Variants in NCK2 observed in about 807,000 individuals in gnomAD.
The protein encoded by NCK2 is cytoplasmic protein NCK2.
A neutral mutation model predicts 33.9 loss-of-function variants in NCK2; 16 were observed. The ratio of observed to expected loss-of-function variants is 0.47; its 90% CI spans 0.32 to 0.72. The LOEUF is 0.72. NCK2 is among the 30% of genes least tolerant of loss of function. NCK2 has a pLI of 0.03. For synonymous variants in NCK2, 273 were observed against 239.9 expected (o/e 1.14, Z -1.27); for missense variants, 418 against 537.3 (o/e 0.78, Z 2.19).
At chr2:105,872,791 T>C (rs1027443889) in intron 3 of NCK2, among the ~76,000 whole-genome samples, 1 of 152,256 alleles carries the variant, frequency 6.6e-6, no homozygotes, top group African/African-American at 2.4e-5. Flanking sequence ...TGAAAGTTTT[T>C]GCACCTTAAA....
At chr2:105,759,214 G>A (rs145136070) in intron 1 of NCK2, among the ~76,000 whole-genome samples, 30 of 152,268 alleles carry the variant, frequency 2.0e-4, no homozygotes, top group Middle Eastern at 6.8e-3. Context: ...TTATTCAAGG[G>A]AGCAAGATTT....
At chr2:105,789,296 T>C (rs1323238740) in intron 1 of NCK2, among the ~76,000 whole-genome samples, 1 of 152,196 alleles carries the variant, frequency 6.6e-6, no homozygotes, top group Non-Finnish European at 1.5e-5. Context: ...CAAGCAATTC[T>C]CCTGCCTCAG....
chr2:105,869,623 T>C (rs1434363019), intron 3 of NCK2, among the ~76,000 whole-genome samples: 1 of 152,196 alleles, frequency 6.6e-6, no homozygotes, highest in Non-Finnish European at 1.5e-5. Context: ...TTCACTTTCC[T>C]GAGCAGGTGT....
At chr2:105,828,855 C>A (rs1172610472) in intron 2 of NCK2, among the ~76,000 whole-genome samples, 3 of 152,112 alleles carry the variant, frequency 2.0e-5, no homozygotes, top group Non-Finnish European at 4.4e-5. Context: ...TCTGAAATGT[C>A]TTCTTTTAAT....
Position 105,882,057 on chromosome 2 carries a change from C to T in NCK2, c.948+8C>T, listed in dbSNP as rs777513074. ...AGGGACAGCGAGTCCTCGGTAAGTG[C>T]GCTGCGCCCACAGCTCCGGCTGCAG... On this transcript the variant is annotated splice_region_variant and intron_variant, in intron 4 of 4. Coordinates refer to ENST00000233154, the MANE Select transcript of NCK2 (RefSeq NM_003581.5). 22 of 1,490,966 alleles carry T rather than the reference C, an allele frequency of 1.5e-5. No homozygotes were observed. Among genetic ancestry groups the T allele is most frequent in the Middle Eastern group, 3.7e-4 (2 of 5,436 alleles). The allele number at this position is 1,490,966 out of a possible 1,614,324, so 92.4% of individuals were successfully genotyped here. A position where few individuals can be genotyped will look rare whatever the true frequency, so the allele number is the denominator to read the frequency against.
At chr2:105,824,697 T>A (rs1675877224) in intron 2 of NCK2, among the ~76,000 whole-genome samples, 1 of 152,162 alleles carries the variant, frequency 6.6e-6, no homozygotes, top group Non-Finnish European at 1.5e-5. Flanking sequence ...GTGTTGTGCT[T>A]TCATGGCTGG....
In NCK2 at chr2:105,893,427, G is replaced by T; in HGVS notation, c.*251G>T. On this transcript the variant is annotated 3_prime_UTR_variant, in exon 5 of 5. Coordinates refer to ENST00000233154, the MANE Select transcript of NCK2 (RefSeq NM_003581.5). ...AGTTCACATTATTCCTTTTCCATCG[G>T]AAGTGGCGCTCGTGCATTCAACTCG... The T allele has an allele frequency of 2.3e-6, 1 of 439,182 alleles. No homozygotes were observed. The highest frequency in any genetic ancestry group is 4.2e-6 in the Non-Finnish European group (1 of 239,568). The allele number at this position is 439,182 out of a possible 1,614,324, so 27.2% of individuals were successfully genotyped here.
intron 1 of NCK2, among the ~76,000 whole-genome samples, chr2:105,797,710 T>C (rs1247426610): frequency 2.6e-5 from 4 of 152,240 alleles, no homozygotes; most frequent in Non-Finnish European, 5.9e-5. Context: ...AGTGAGCTGA[T>C]GCAAAGTCTT....
intron 3 of NCK2, among the ~76,000 whole-genome samples, chr2:105,871,995 G>A (rs556036176): frequency 2.6e-5 from 4 of 152,282 alleles, no homozygotes; most frequent in South Asian, 4.2e-4. Context: ...GGAAGACTGG[G>A]GAAGCTGTCA....
intron 1 of NCK2, chr2:105,745,986 A>G (rs999010660): frequency 9.2e-5 from 14 of 152,336 alleles, no homozygotes; most frequent in African/African-American, 1.9e-4. Context: ...TTTGTAGACA[A>G]TGGGGATCTC....
At position 105,864,677 on chromosome 2, in the gene NCK2, T is replaced by C. The variant is rs555323045; in HGVS notation, c.226+9388T>C. 2.8e-3 allele frequency among the ~76,000 whole-genome samples: 423 copies of C among 152,278 alleles called. 2 individuals are homozygous for C. The highest frequency in any genetic ancestry group is 5.1e-3 in the Non-Finnish European group (346 of 68,016). ...GCCTACCTCGGAGAGCTGGCACTTC[T>C]GAGGCAGCTGATTAGGTACCTCAGC... On this transcript the variant is annotated intron_variant, in intron 3 of 4. Transcript: ENST00000233154.
At chr2:105,782,272 A>G (rs1573585965) in intron 1 of NCK2, among the ~76,000 whole-genome samples, 1 of 152,166 alleles carries the variant, frequency 6.6e-6, no homozygotes, top group South Asian at 2.1e-4. Flanking sequence ...CTTCTGGTGT[A>G]GATGGATGGA....
At chr2:105,871,151 G>C (rs1275067894) in intron 3 of NCK2, among the ~76,000 whole-genome samples, 1 of 152,094 alleles carries the variant, frequency 6.6e-6, no homozygotes, top group African/African-American at 2.4e-5. Context: ...TTGCAGATGT[G>C]TATTGAATGC....
At chr2:105,835,234 T>G (rs1342068721) in intron 2 of NCK2, among the ~76,000 whole-genome samples, 1 of 151,406 alleles carries the variant, frequency 6.6e-6, no homozygotes, top group Non-Finnish European at 1.5e-5. Flanking sequence ...TAGGGTTTCC[T>G]TAAGCATTCC....
intron 3 of NCK2, among the ~76,000 whole-genome samples, chr2:105,862,088 A>G (rs886749693): frequency 6.6e-6 from 1 of 152,162 alleles, no homozygotes; most frequent in African/African-American, 2.4e-5. Flanking sequence ...GCCTGCATAA[A>G]TACATGTAAT....
At chr2:105,887,283 G>A (rs1257664029) in intron 4 of NCK2, among the ~76,000 whole-genome samples, 1 of 152,178 alleles carries the variant, frequency 6.6e-6, no homozygotes, top group East Asian at 1.9e-4. Flanking sequence ...GGAGGTAAAT[G>A]AACCACTTCT....
intron 1 of NCK2, among the ~76,000 whole-genome samples, chr2:105,755,596 G>A (rs971297055): frequency 3.9e-5 from 6 of 152,166 alleles, no homozygotes; most frequent in Admixed American, 2.6e-4. Flanking sequence ...ATTTTAGATC[G>A]TATTAGTTAT....
At chr2:105,815,147 G>A (rs748000839) in intron 1 of NCK2, among the ~76,000 whole-genome samples, 7 of 152,284 alleles carry the variant, frequency 4.6e-5, no homozygotes, top group East Asian at 3.9e-4. Flanking sequence ...CCTAGTATAC[G>A]TTTGAACTTC....
chr2:105,851,166 T>G (rs1193077178), intron 2 of NCK2, among the ~76,000 whole-genome samples: 1 of 152,116 alleles, frequency 6.6e-6, no homozygotes, highest in Non-Finnish European at 1.5e-5. Flanking sequence ...GTTGTATCAG[T>G]GCATGGCCAT....
Sources: allele counts gnomAD v4.1 joint callset (sites outside exome capture counted in the v4.1 genomes callset), GRCh38; gene constraint gnomAD v4.1.1; transcripts MANE v1.5; gene names NCBI Gene and HGNC (gene_info 2026-07-23, HGNC 2026-07-21).